Variants in PPP1R12A observed in about 807,000 individuals in gnomAD.
The protein encoded by PPP1R12A is myosin binding subunit.
PPP1R12A carries 19 observed loss-of-function variants against 139.6 expected under a neutral mutation model. The ratio of observed to expected loss-of-function variants is 0.14; its 90% CI spans 0.09 to 0.20. The LOEUF is 0.20. PPP1R12A is among the 10% of genes least tolerant of loss of function. The probability of loss-of-function intolerance (pLI) is 1.00; values close to 1 mark genes in which losing one functional copy is unlikely to be tolerated. For missense variants in PPP1R12A, 925 were observed against 1,211.5 expected, an observed-to-expected ratio of 0.76 and a Z score of 3.51; for synonymous variants, 427 against 420.6, an observed-to-expected ratio of 1.02 and a Z score of -0.19.
intron 1 of PPP1R12A, among the ~76,000 whole-genome samples, chr12:79,913,624 T>G (rs960489941): frequency 1.3e-5 from 2 of 152,216 alleles, no homozygotes; most frequent in African/African-American, 2.4e-5. Context: ...GTCCTCTCAC[T>G]TTCTTGTTCC....
intron 9 of PPP1R12A, among the ~76,000 whole-genome samples, chr12:79,815,245 GAT>G (rs1875198778): frequency 6.6e-6 from 1 of 152,148 alleles, no homozygotes; most frequent in African/African-American, 2.4e-5. Context: ...ATACCCAAAA[GAT>G]AGAGAGCCAG....
rs1227358974 is a variant in PPP1R12A, at chr12:79,788,798, T to A, written c.2667-15A>T. 5.1e-6 allele frequency: 8 copies of A among 1,563,974 alleles called. No individual in the cohort carries two copies. Among genetic ancestry groups the A allele is most frequent in the Non-Finnish European group, 6.9e-6 (8 of 1,155,230 alleles). ...TGGTTTCATATCTTCAAAAGATTAA[T>A]TTAAATAAAAAACCTTGTTATAGGC... On this transcript the variant is annotated splice_polypyrimidine_tract_variant and intron_variant, in intron 20 of 24. Transcript: ENST00000450142.
At chr12:79,819,639 TA>T (rs1875842436) in intron 8 of PPP1R12A, among the ~76,000 whole-genome samples, 2 of 152,114 alleles carry the variant, frequency 1.3e-5, no homozygotes, top group African/African-American at 4.8e-5. Context: ...ATTAACTGCA[TA>T]AAAATAACTT....
chr12:79,838,819 T>C (rs1316148756), intron 3 of PPP1R12A, among the ~76,000 whole-genome samples: 5 of 152,088 alleles, frequency 3.3e-5, no homozygotes, highest in African/African-American at 7.2e-5. Flanking sequence ...GCTGCAGAGG[T>C]AGAGCCCTCA....
intron 2 of PPP1R12A, among the ~76,000 whole-genome samples, chr12:79,862,495 G>A (rs1565784194): frequency 6.6e-6 from 1 of 152,196 alleles, no homozygotes. Context: ...GTCAGCTTCA[G>A]AAGGTCGGTA....
chr12:79,780,236 A>C (rs1048301437), intron 23 of PPP1R12A: 4 of 151,778 alleles, frequency 2.6e-5, no homozygotes, highest in South Asian at 2.1e-4. Context: ...CAAAAAAAAA[A>C]CACAAGGAAA....
chr12:79,778,633 A>AT, intron 23 of PPP1R12A, 33 bp from the exon 24 acceptor site: 11 of 1,361,348 alleles, frequency 8.1e-6, no homozygotes, highest in Non-Finnish European at 1.1e-5. Flanking sequence ...TGTTAGTTAT[A>AT]TAATTATTAT....
chr12:79,926,218 C>T (rs996980817), intron 1 of PPP1R12A, among the ~76,000 whole-genome samples: 9 of 152,194 alleles, frequency 5.9e-5, no homozygotes, highest in African/African-American at 2.2e-4. Flanking sequence ...CAGAATCTCG[C>T]TCTGTCGCCC....
chr12:79,919,642 A>C (rs1887286437), intron 1 of PPP1R12A, among the ~76,000 whole-genome samples: 1 of 152,030 alleles, frequency 6.6e-6, no homozygotes, highest in African/African-American at 2.4e-5. Context: ...ATTACATATC[A>C]TTACACATAA....
intron 2 of PPP1R12A, among the ~76,000 whole-genome samples, chr12:79,858,877 T>C (rs1395980388): frequency 6.6e-6 from 1 of 152,200 alleles, no homozygotes; most frequent in African/African-American, 2.4e-5. Flanking sequence ...ACCAGAACTC[T>C]GGCTTCTACC....
At chr12:79,785,344 CA>C (rs1870978790) in intron 22 of PPP1R12A, among the ~76,000 whole-genome samples, 1 of 152,268 alleles carries the variant, frequency 6.6e-6, no homozygotes, top group East Asian at 1.9e-4. Flanking sequence ...CGTGCACAGA[CA>C]ATCGCTTTAC....
intron 1 of PPP1R12A, among the ~76,000 whole-genome samples, chr12:79,926,898 TA>T (rs932977247): frequency 6.6e-6 from 1 of 151,862 alleles, no homozygotes; most frequent in African/African-American, 2.4e-5. Context: ...TGTAAATGAT[TA>T]AAAAAAACTA....
At chr12:79,782,355 A>G (rs974314990) in intron 22 of PPP1R12A, 5 of 238,414 alleles carry the variant, frequency 2.1e-5, no homozygotes, top group African/African-American at 1.2e-4. Context: ...CTTGGCTCAC[A>G]CTCTAGGTTT....
intron 1 of PPP1R12A, among the ~76,000 whole-genome samples, chr12:79,918,196 GT>G (rs1887153395): frequency 1.3e-5 from 2 of 151,222 alleles, no homozygotes; most frequent in Admixed American, 1.3e-4. Context: ...TGTATCCTGC[GT>G]TTTTTCTGTA....
chr12:79,842,656 T>C (rs1020075607), intron 3 of PPP1R12A, among the ~76,000 whole-genome samples: 21 of 151,778 alleles, frequency 1.4e-4, no homozygotes, highest in African/African-American at 5.1e-4. Flanking sequence ...CACACATACA[T>C]AAATTTTTAA....
chr12:79,822,568 T>C (rs1373755244), intron 5 of PPP1R12A, among the ~76,000 whole-genome samples: 1 of 152,166 alleles, frequency 6.6e-6, no homozygotes. Context: ...TAGTAGTCAC[T>C]GTCTGCATCC....
chr12:79,871,492 G>A (rs913769282), intron 2 of PPP1R12A, among the ~76,000 whole-genome samples: 6 of 152,136 alleles, frequency 3.9e-5, no homozygotes, highest in African/African-American at 1.2e-4. Flanking sequence ...CAGGTCCTAC[G>A]TTTGATGAAT....
At chr12:79,879,579 C>T (rs1296954267) in intron 1 of PPP1R12A, among the ~76,000 whole-genome samples, 5 of 152,030 alleles carry the variant, frequency 3.3e-5, no homozygotes, top group African/African-American at 9.7e-5. Flanking sequence ...CAAAATACTG[C>T]TATCTTCAAC....
intron 1 of PPP1R12A, among the ~76,000 whole-genome samples, chr12:79,898,235 A>G (rs1469602011): frequency 6.6e-6 from 1 of 152,176 alleles, no homozygotes; most frequent in Non-Finnish European, 1.5e-5. Flanking sequence ...GGACTGCCTG[A>G]GCTCAGGAGT....
Sources: allele counts gnomAD v4.1 joint callset (sites outside exome capture counted in the v4.1 genomes callset), GRCh38; gene constraint gnomAD v4.1.1; transcripts MANE v1.5; gene names NCBI Gene and HGNC (gene_info 2026-07-23, HGNC 2026-07-21).